SAMMSON: variants seen among roughly 807,000 people sequenced by gnomAD.
SAMMSON encodes the protein survival associated mitochondrial melanoma specific oncogenic non-coding RNA, also known as long intergenic non-protein coding RNA 1212.
intron 3 of SAMMSON, among the ~76,000 whole-genome samples, chr3:70,064,724 C>A (rs550814404): frequency 6.6e-6 from 1 of 152,000 alleles, no homozygotes; most frequent in African/African-American, 2.4e-5. Flanking sequence ...GAAGTCATGG[C>A]GCGTCTTTGC....
At chr3:70,295,882 A>G (rs1238371688) in intron 7 of SAMMSON, among the ~76,000 whole-genome samples, 4 of 152,106 alleles carry the variant, frequency 2.6e-5, no homozygotes, top group Non-Finnish European at 5.9e-5. Context: ...CTCCCACTTG[A>G]TCTTTGCCTT....
chr3:70,101,083 T>C (rs1348245035), intron 4 of SAMMSON, among the ~76,000 whole-genome samples: 3 of 152,152 alleles, frequency 2.0e-5, no homozygotes, highest in Admixed American at 6.5e-5. Flanking sequence ...TTAGAAGATA[T>C]TTAGTCTTAG....
intron 4 of SAMMSON, among the ~76,000 whole-genome samples, chr3:70,212,418 G>T (rs1701360537): frequency 6.6e-6 from 1 of 152,028 alleles, no homozygotes; most frequent in South Asian, 2.1e-4. Flanking sequence ...TGTCTTTATT[G>T]TATTGTCATT....
At chr3:70,326,065 C>G (rs1010920426) in intron 7 of SAMMSON, among the ~76,000 whole-genome samples, 1 of 152,130 alleles carries the variant, frequency 6.6e-6, no homozygotes, top group East Asian at 1.9e-4. Flanking sequence ...ATCTTGAGAT[C>G]GGCATAACTG....
chr3:70,411,684 A>T (rs879674029), intron 2 of SAMMSON, among the ~76,000 whole-genome samples: 1 of 152,158 alleles, frequency 6.6e-6, no homozygotes, highest in Admixed American at 6.5e-5. Flanking sequence ...TAAGTCTCAC[A>T]AGAACTGATG....
chr3:70,166,931 A>G lies in SAMMSON; in HGVS notation n.508-82176A>G, dbSNP rs763023391. Among the ~76,000 whole-genome samples the G allele has an allele frequency of 5.3e-5, 8 of 152,044 alleles. No homozygotes were observed. In the East Asian group the frequency reaches 1.6e-3, roughly 30 times the overall value. On this transcript the variant is annotated intron_variant and non_coding_transcript_variant, in intron 4 of 9. Coordinates refer to ENST00000642114, the Ensembl canonical transcript of SAMMSON. ...TTATAGGCATTATTCTCTTTAGTTC[A>G]CCTTATTTTCTATATCAATGCTGTC...
At chr3:70,010,701 C>G (rs1382183512) in intron 1 of SAMMSON, among the ~76,000 whole-genome samples, 1 of 117,330 alleles carries the variant, frequency 8.5e-6, no homozygotes, top group Admixed American at 8.7e-5. Flanking sequence ...AGAACTTTTA[C>G]TGCTTTCCTA....
chr3:70,329,243 T>C (rs1189728506), intron 7 of SAMMSON, among the ~76,000 whole-genome samples: 1 of 152,134 alleles, frequency 6.6e-6, no homozygotes, highest in Non-Finnish European at 1.5e-5. Flanking sequence ...CCATATATCT[T>C]TAATAAGTTC....
At chr3:70,208,191 G>A (rs1701310160) in intron 4 of SAMMSON, among the ~76,000 whole-genome samples, 1 of 152,068 alleles carries the variant, frequency 6.6e-6, no homozygotes, top group Admixed American at 6.6e-5. Context: ...TGGTTTGGTG[G>A]CACAACTGGG....
intron 4 of SAMMSON, among the ~76,000 whole-genome samples, chr3:70,121,019 G>T (rs753839097): frequency 6.6e-6 from 1 of 152,138 alleles, no homozygotes; most frequent in Non-Finnish European, 1.5e-5. Context: ...CAACTAAATG[G>T]TAAGCCGTAT....
chr3:70,052,623 A>G (rs1004092994), intron 3 of SAMMSON, among the ~76,000 whole-genome samples: 3 of 152,134 alleles, frequency 2.0e-5, no homozygotes, highest in Non-Finnish European at 4.4e-5. Flanking sequence ...AATGTTATGT[A>G]ACATATGCAT....
At chr3:70,063,871 A>G (rs1532199) in intron 3 of SAMMSON, among the ~76,000 whole-genome samples, 2,613 of 152,240 alleles carry the variant, frequency 0.017, 33 homozygotes, top group Middle Eastern at 0.051. Flanking sequence ...AGTGCCTGGC[A>G]TATCTTAAGT....
intron 4 of SAMMSON, among the ~76,000 whole-genome samples, chr3:70,138,152 C>T (rs1274108438): frequency 6.6e-6 from 1 of 152,100 alleles, no homozygotes; most frequent in African/African-American, 2.4e-5. Flanking sequence ...TAGTTTGTCA[C>T]AAAAAGTTTT....
chr3:70,011,033 T>G (rs769269280), intron 1 of SAMMSON, among the ~76,000 whole-genome samples: 9 of 152,076 alleles, frequency 5.9e-5, no homozygotes, highest in Non-Finnish European at 1.0e-4. Flanking sequence ...CAATTCAAGG[T>G]GAGAGCCAAA....
At chr3:70,334,911 C>T (rs1438922858) in intron 7 of SAMMSON, among the ~76,000 whole-genome samples, 2 of 151,998 alleles carry the variant, frequency 1.3e-5, no homozygotes, top group East Asian at 3.8e-4. Flanking sequence ...TTATTTGGCA[C>T]TTAATTTTAT....
At chr3:70,295,087 TG>T (rs1465666588) in intron 7 of SAMMSON, among the ~76,000 whole-genome samples, 1 of 152,188 alleles carries the variant, frequency 6.6e-6, no homozygotes, top group Non-Finnish European at 1.5e-5. Context: ...GCAAGGGCAG[TG>T]GGACCATTAT....
intron 4 of SAMMSON, among the ~76,000 whole-genome samples, chr3:70,194,718 A>G (rs889782574): frequency 6.6e-6 from 1 of 152,204 alleles, no homozygotes; most frequent in Non-Finnish European, 1.5e-5. Context: ...GAAATGCACA[A>G]TCTTTGCATA....
chr3:70,380,893 A>G (rs941261478), intron 9 of SAMMSON, among the ~76,000 whole-genome samples: 1 of 152,108 alleles, frequency 6.6e-6, no homozygotes, highest in Non-Finnish European at 1.5e-5. Context: ...TTATGGCTGC[A>G]TAGTATTCCA....
intron 4 of SAMMSON, among the ~76,000 whole-genome samples, chr3:70,074,171 G>A (rs754624914): frequency 6.6e-6 from 1 of 151,924 alleles, no homozygotes; most frequent in African/African-American, 2.4e-5. Context: ...TAATTCTTAT[G>A]TTTTGTTTTG....
Sources: allele counts gnomAD v4.1 joint callset (sites outside exome capture counted in the v4.1 genomes callset), GRCh38; gene constraint gnomAD v4.1.1; transcripts MANE v1.5; gene names NCBI Gene and HGNC (gene_info 2026-07-23, HGNC 2026-07-21).